The following SPOCK1 variants were observed in gnomAD, a reference collection of about 807,000 sequenced individuals.
SPOCK1 encodes SPARC (osteonectin), cwcv and kazal like domains proteoglycan 1.
A neutral mutation model predicts 55.3 loss-of-function variants in SPOCK1; 23 were observed. That is an observed-to-expected ratio of 0.42 (90% CI 0.30 to 0.59). The LOEUF is 0.59. SPOCK1 is among the 20% of genes least tolerant of loss of function. SPOCK1 has a pLI of 0.22. For missense variants in SPOCK1, 499 were observed against 552.5 expected (o/e 0.90, Z 0.97); for synonymous variants, 226 against 221.0 (o/e 1.02, Z -0.20).
At chr5:137,286,950 C>T (rs899871741) in intron 2 of SPOCK1, among the ~76,000 whole-genome samples, 1 of 152,192 alleles carries the variant, frequency 6.6e-6, no homozygotes, top group Non-Finnish European at 1.5e-5. Context: ...GATCACTTTA[C>T]AAGAGCTTAT....
intron 3 of SPOCK1, among the ~76,000 whole-genome samples, chr5:137,262,162 A>G (rs1171703687): frequency 6.6e-6 from 1 of 152,198 alleles, no homozygotes; most frequent in Non-Finnish European, 1.5e-5. Flanking sequence ...CCAAAGCATT[A>G]CCTTTATTTT....
intron 6 of SPOCK1, among the ~76,000 whole-genome samples, chr5:137,009,458 G>A (rs182020888): frequency 2.5e-4 from 38 of 152,278 alleles, no homozygotes; most frequent in African/African-American, 8.7e-4. Context: ...CTATATATGT[G>A]TTAAAAGGTA....
chr5:137,244,024 G>A (rs1276580218), intron 3 of SPOCK1, among the ~76,000 whole-genome samples: 1 of 152,180 alleles, frequency 6.6e-6, no homozygotes, highest in African/African-American at 2.4e-5. Context: ...GGCAGTCTCA[G>A]TAAATATTCC....
In SPOCK1 at chr5:137,118,219, T is replaced by C. The variant is rs565688277; in HGVS notation, c.348-5658A>G. Among the ~76,000 whole-genome samples the C allele has an allele frequency of 5.5e-4, 84 of 152,330 alleles. 2 individuals are homozygous for C. Among genetic ancestry groups the C allele is most frequent in the Middle Eastern group, 3.4e-3 (1 of 294 alleles). On this transcript the variant is annotated intron_variant, in intron 4 of 10. Coordinates refer to ENST00000394945, the MANE Select transcript of SPOCK1 (RefSeq NM_004598.4). ...CCACTCAGAGGATTTTTATAAAATATAGTATTGAAACAAATCTATTCACAT... is the reference window on the plus strand; with the variant it reads ...CCACTCAGAGGATTTTTATAAAATACAGTATTGAAACAAATCTATTCACAT...
intron 2 of SPOCK1, among the ~76,000 whole-genome samples, chr5:137,463,740 G>C (rs1371117254): frequency 1.3e-5 from 2 of 150,166 alleles, no homozygotes; most frequent in Non-Finnish European, 3.0e-5. Context: ...ACAAGGTCAG[G>C]AGTTTAAGAC....
chr5:137,163,360 C>T (rs1057268665), intron 3 of SPOCK1, among the ~76,000 whole-genome samples: 4 of 152,176 alleles, frequency 2.6e-5, no homozygotes, highest in African/African-American at 9.7e-5. Flanking sequence ...GTCTAAGATA[C>T]ATCTGGTACC....
intron 4 of SPOCK1, among the ~76,000 whole-genome samples, chr5:137,135,301 C>A (rs1670573899): frequency 6.6e-6 from 1 of 152,032 alleles, no homozygotes. Flanking sequence ...GTAGGGAAAC[C>A]TCCACCCTCT....
At chr5:137,380,862 G>C (rs1216181561) in intron 2 of SPOCK1, among the ~76,000 whole-genome samples, 1 of 151,990 alleles carries the variant, frequency 6.6e-6, no homozygotes, top group African/African-American at 2.4e-5. Flanking sequence ...AGCTCCCCTG[G>C]GAGCCCTGCA....
At chr5:137,084,438 C>A (rs73294130) in intron 5 of SPOCK1, among the ~76,000 whole-genome samples, 11,623 of 151,940 alleles carry the variant, frequency 0.076, 967 homozygotes, top group East Asian at 0.33. Context: ...CCCTGCCAGA[C>A]TGAGCTCCAG....
intron 6 of SPOCK1, among the ~76,000 whole-genome samples, chr5:137,035,816 G>A (rs1173312387): frequency 6.6e-6 from 1 of 152,206 alleles, no homozygotes; most frequent in Non-Finnish European, 1.5e-5. Context: ...TCTTAGCTAA[G>A]CTGAACAAAG....
At chr5:137,088,953 G>A (rs576481915) in intron 5 of SPOCK1, among the ~76,000 whole-genome samples, 1 of 152,326 alleles carries the variant, frequency 6.6e-6, no homozygotes, top group South Asian at 2.1e-4. Flanking sequence ...CTGGTCTTGT[G>A]AGAAGCAAGA....
At chr5:137,026,402 TC>T (rs1269591636) in intron 6 of SPOCK1, among the ~76,000 whole-genome samples, 1 of 152,180 alleles carries the variant, frequency 6.6e-6, no homozygotes, top group Non-Finnish European at 1.5e-5. Flanking sequence ...CTGGGCCTCA[TC>T]CAATTACTCG....
At chr5:137,062,123 G>A (rs142979240) in intron 6 of SPOCK1, among the ~76,000 whole-genome samples, 5 of 152,142 alleles carry the variant, frequency 3.3e-5, no homozygotes, top group Non-Finnish European at 7.3e-5. Flanking sequence ...AAGTGGTAAC[G>A]TGTAAGAATG....
chr5:137,091,537 A>G (rs1167878422), intron 5 of SPOCK1, among the ~76,000 whole-genome samples: 1 of 152,218 alleles, frequency 6.6e-6, no homozygotes, highest in Non-Finnish European at 1.5e-5. Context: ...GGTAAGGACA[A>G]ATAAAAATAA....
At chr5:137,117,382 T>C (rs774433126) in intron 4 of SPOCK1, among the ~76,000 whole-genome samples, 21 of 152,244 alleles carry the variant, frequency 1.4e-4, no homozygotes, top group Non-Finnish European at 2.5e-4. Flanking sequence ...CATGACATTG[T>C]TTATTCAAGC....
At chr5:137,354,089 C>T (rs898303601) in intron 2 of SPOCK1, among the ~76,000 whole-genome samples, 2 of 152,158 alleles carry the variant, frequency 1.3e-5, no homozygotes, top group Non-Finnish European at 2.9e-5. Flanking sequence ...ATCACATCTC[C>T]CTGACTCCAA....
intron 2 of SPOCK1, among the ~76,000 whole-genome samples, chr5:137,315,476 C>G (rs1355225836): frequency 6.6e-6 from 1 of 152,206 alleles, no homozygotes; most frequent in Non-Finnish European, 1.5e-5. Flanking sequence ...CACTTTGATA[C>G]ATGAGAAGCA....
chr5:137,392,754 T>G (rs1177154556), intron 2 of SPOCK1, among the ~76,000 whole-genome samples: 1 of 152,218 alleles, frequency 6.6e-6, no homozygotes, highest in African/African-American at 2.4e-5. Flanking sequence ...TTAATCTGAT[T>G]GCTTTTGTCC....
chr5:137,348,947 C>G (rs1425926291), intron 2 of SPOCK1, among the ~76,000 whole-genome samples: 1 of 152,138 alleles, frequency 6.6e-6, no homozygotes, highest in East Asian at 1.9e-4. Context: ...CTAAGCCGTC[C>G]AACAAGCTCA....
Sources: gnomAD v4.1 joint callset for allele counts (sites outside exome capture counted in the v4.1 genomes callset) on GRCh38, gnomAD v4.1.1 for gene constraint, MANE v1.5 for transcripts, NCBI Gene and HGNC (gene_info 2026-07-23, HGNC 2026-07-21) for gene names.